OPCML: variants seen among roughly 807,000 people sequenced by gnomAD.
The protein encoded by OPCML is opioid binding protein/cell adhesion molecule like.
In OPCML, 13 loss-of-function variants were observed where a neutral mutation model predicts 37.8. The ratio of observed to expected loss-of-function variants is 0.34; its 90% CI spans 0.22 to 0.55. The LOEUF is 0.55. OPCML is among the 20% of genes least tolerant of loss of function. The pLI is 0.91. For missense variants in OPCML, 341 were observed against 435.6 expected (o/e 0.78, Z 1.93); for synonymous variants, 176 against 168.8 (o/e 1.04, Z -0.33).
chr11:132,937,560 G>A (rs1402914259), intron 2 of OPCML, among the ~76,000 whole-genome samples: 1 of 150,374 alleles, frequency 6.7e-6, no homozygotes, highest in Non-Finnish European at 1.5e-5. Context: ...GAGTGTGTGT[G>A]TGTCGTGTGT....
intron 4 of OPCML, among the ~76,000 whole-genome samples, chr11:132,458,701 A>G (rs1362683930): frequency 6.6e-6 from 1 of 152,218 alleles, no homozygotes; most frequent in Non-Finnish European, 1.5e-5. Context: ...AGTACCTATT[A>G]CGATGAAAAA....
intron 3 of OPCML, among the ~76,000 whole-genome samples, chr11:132,651,192 C>T (rs1941411242): frequency 6.6e-6 from 1 of 152,152 alleles, no homozygotes; most frequent in Non-Finnish European, 1.5e-5. Context: ...ACGTATTTAA[C>T]TCTGAGTCAG....
chr11:132,769,889 A>G (rs1407302138), intron 2 of OPCML, among the ~76,000 whole-genome samples: 2 of 152,172 alleles, frequency 1.3e-5, no homozygotes, highest in Non-Finnish European at 2.9e-5. Flanking sequence ...GAGACCTTGC[A>G]CATGGGAACA....
At chr11:133,275,721 C>A (rs1422613752) in intron 1 of OPCML, among the ~76,000 whole-genome samples, 1 of 152,164 alleles carries the variant, frequency 6.6e-6, no homozygotes, top group Non-Finnish European at 1.5e-5. Flanking sequence ...TATTTATTCA[C>A]CACTGTGTCC....
At chr11:132,754,429 A>G (rs529332500) in intron 2 of OPCML, among the ~76,000 whole-genome samples, 1 of 152,226 alleles carries the variant, frequency 6.6e-6, no homozygotes, top group South Asian at 2.1e-4. Context: ...GCTGCCATCT[A>G]TGTAAGATGT....
At chr11:132,475,233 TG>T (rs2096151414) in intron 4 of OPCML, among the ~76,000 whole-genome samples, 1 of 152,318 alleles carries the variant, frequency 6.6e-6, no homozygotes, top group East Asian at 1.9e-4. Flanking sequence ...TAGATAGGCT[TG>T]CTTCTCCTCT....
intron 1 of OPCML, among the ~76,000 whole-genome samples, chr11:133,252,338 G>A (rs751873166): frequency 6.6e-6 from 1 of 152,064 alleles, no homozygotes; most frequent in Non-Finnish European, 1.5e-5. Context: ...CTTATTATAG[G>A]GTTGATGAAG....
At chr11:132,847,534 C>G (rs1162311232) in intron 2 of OPCML, among the ~76,000 whole-genome samples, 2 of 152,028 alleles carry the variant, frequency 1.3e-5, no homozygotes, top group Non-Finnish European at 2.9e-5. Flanking sequence ...TTTTTCTTCT[C>G]TATGCATCAA....
intron 4 of OPCML, among the ~76,000 whole-genome samples, chr11:132,475,786 A>G (rs1323488139): frequency 1.3e-5 from 2 of 152,250 alleles, no homozygotes; most frequent in East Asian, 3.8e-4. Context: ...CTTTCAGCAC[A>G]GAAAACTCAT....
chr11:132,562,345 A>G (rs1455445167), intron 3 of OPCML, among the ~76,000 whole-genome samples: 2 of 152,060 alleles, frequency 1.3e-5, no homozygotes, highest in Non-Finnish European at 2.9e-5. Context: ...AAAAAAGTCT[A>G]GTATGAAAAA....
intron 1 of OPCML, among the ~76,000 whole-genome samples, chr11:133,058,136 A>G (rs1481584989): frequency 6.6e-6 from 1 of 152,214 alleles, no homozygotes; most frequent in African/African-American, 2.4e-5. Context: ...AGCCAGGCAA[A>G]TAATTAACTA....
intron 4 of OPCML, among the ~76,000 whole-genome samples, chr11:132,517,156 C>A (rs1473532298): frequency 1.3e-5 from 2 of 152,126 alleles, no homozygotes; most frequent in African/African-American, 2.4e-5. Context: ...TAGATACTGC[C>A]CTCTACATGG....
intron 1 of OPCML, chr11:133,024,290 T>C (rs1269453511): frequency 6.5e-6 from 6 of 923,682 alleles, no homozygotes; most frequent in East Asian, 1.2e-4. Flanking sequence ...AAGCGTGTTG[T>C]GCAGTGTTGA....
chr11:132,834,754 G>A (rs577088772), intron 2 of OPCML, among the ~76,000 whole-genome samples: 2 of 152,256 alleles, frequency 1.3e-5, no homozygotes, highest in Admixed American at 6.5e-5. Flanking sequence ...TGCAAAGACC[G>A]GATTTCCAAA....
At chr11:133,494,469 G>C (rs1322884906) in intron 1 of OPCML, among the ~76,000 whole-genome samples, 6 of 150,308 alleles carry the variant, frequency 4.0e-5, no homozygotes, top group South Asian at 2.1e-4. Context: ...TTGGAACCAA[G>C]CCAAATGTCC....
At chr11:132,867,083 T>C (rs1174828814) in intron 2 of OPCML, among the ~76,000 whole-genome samples, 2 of 152,220 alleles carry the variant, frequency 1.3e-5, no homozygotes, top group African/African-American at 4.8e-5. Context: ...AGGTAATAAT[T>C]TGAGCTCACT....
At chr11:133,191,011 G>A (rs572956307) in intron 1 of OPCML, among the ~76,000 whole-genome samples, 60 of 151,874 alleles carry the variant, frequency 4.0e-4, no homozygotes, top group African/African-American at 1.4e-3. Flanking sequence ...GTCTCGGGGT[G>A]GAATTACTGA....
intron 1 of OPCML, among the ~76,000 whole-genome samples, chr11:133,490,704 C>T (rs1407921006): frequency 6.6e-6 from 1 of 152,130 alleles, no homozygotes; most frequent in Non-Finnish European, 1.5e-5. Context: ...GCAGTCTCTC[C>T]TCCTTTCTTG....
intron 1 of OPCML, among the ~76,000 whole-genome samples, chr11:133,267,063 T>G (rs554582518): frequency 1.3e-5 from 2 of 152,264 alleles, no homozygotes; most frequent in African/African-American, 4.8e-5. Context: ...AGATAAATAG[T>G]TGTTTGTTTC....
Sources: allele counts gnomAD v4.1 joint callset (sites outside exome capture counted in the v4.1 genomes callset), GRCh38; gene constraint gnomAD v4.1.1; transcripts MANE v1.5; gene names NCBI Gene and HGNC (gene_info 2026-07-23, HGNC 2026-07-21).